The following FAM13A variants were observed in gnomAD, a reference collection of about 807,000 sequenced individuals.
FAM13A encodes family with sequence similarity 13 member A.
Under a neutral mutation model 129.6 loss-of-function variants are expected in FAM13A, and 76 were observed. The ratio of observed to expected loss-of-function variants is 0.59; its 90% CI spans 0.49 to 0.71. FAM13A has a LOEUF of 0.71. Among genes scored for constraint, FAM13A ranks in the 30% least tolerant of loss-of-function variants. The pLI is 0.00. For missense variants in FAM13A, 1,108 were observed against 1,249.3 expected, an observed-to-expected ratio of 0.89 and a Z score of 1.70; for synonymous variants, 443 against 449.9, an observed-to-expected ratio of 0.98 and a Z score of 0.20.
intron 8 of FAM13A, among the ~76,000 whole-genome samples, chr4:88,794,110 TTGAC>T (rs1725710505): frequency 6.6e-6 from 1 of 151,998 alleles, no homozygotes; most frequent in Admixed American, 6.6e-5. Context: ...TTCAGCGTCT[TTGAC>T]TGATTTGCTA....
chr4:88,943,028 ATCTCGTCTGTAC>A (rs1384527372), intron 4 of FAM13A, among the ~76,000 whole-genome samples: 5 of 152,214 alleles, frequency 3.3e-5, no homozygotes, highest in African/African-American at 1.2e-4. Flanking sequence ...GGAAAACTTA[ATCTCGTCTGTAC>A]TAAAAGAGTT....
At position 88,747,686 on chromosome 4, in the gene FAM13A, A is replaced by C. The variant is rs761144053; in HGVS notation, c.2327T>G (p.Ile776Ser). The change falls in exon 18 of 24, where the codon ATT becomes AGT. Residue 776 changes from isoleucine to serine, a missense_variant. Physicochemically the swap from Ile to Ser is moderately radical, Grantham distance 142. Around this residue, in one of 3 missense-constraint regions of FAM13A, gnomAD observed 529 missense variants for 621.2 expected, o/e 0.85. Transcript: ENST00000264344. ...TCGCTTCTCCTGGAGCTTCCTCTGAATAGATTCCAATGTGGCTTCAACACT... is the reference window on the plus strand; with the variant it reads ...TCGCTTCTCCTGGAGCTTCCTCTGACTAGATTCCAATGTGGCTTCAACACT... ...KPSVEATLES[I>S]QRKLQEKRAE... 8 of 1,614,120 alleles carry C rather than the reference A, an allele frequency of 5.0e-6. No homozygotes were observed. Among genetic ancestry groups the C allele is most frequent in the African/African-American group, 1.3e-5 (1 of 75,034 alleles).
chr4:88,946,481 G>A (rs1755904319), intron 4 of FAM13A, among the ~76,000 whole-genome samples: 1 of 133,768 alleles, frequency 7.5e-6, no homozygotes, highest in Non-Finnish European at 1.5e-5. Flanking sequence ...AGCACCCTCT[G>A]CTTTAATTTA....
intron 3 of FAM13A, among the ~76,000 whole-genome samples, chr4:88,994,132 T>C (rs1227233058): frequency 6.6e-6 from 1 of 152,190 alleles, no homozygotes; most frequent in Non-Finnish European, 1.5e-5. Flanking sequence ...GAAGACAGAT[T>C]CATCGATTCC....
rs757857060 is a variant in FAM13A at position 88,728,657 on chromosome 4, T to A, written c.2948A>T (p.Asn983Ile). ...AGGAGTGCGGTCTTCCTTCTGGACA[T>A]TTCTAATGCAAATAAAGGAAAAAGG... ...EDNFFRQNGRNVQKEDRTPMA... is the reference protein window; with the variant it reads ...EDNFFRQNGRIVQKEDRTPMA... The change falls in exon 24 of 24, where the codon AAT (asparagine) becomes ATT (isoleucine). Residue 983 changes from asparagine to isoleucine, a missense_variant and splice_region_variant. Coordinates refer to ENST00000264344, the MANE Select transcript of FAM13A (RefSeq NM_014883.4). The A allele has an allele frequency of 1.9e-6, 3 of 1,614,060 alleles. No homozygotes were observed. The highest frequency in any genetic ancestry group is 2.5e-6 in the Non-Finnish European group (3 of 1,180,000).
Position 88,964,523 on chromosome 4 carries a change from AT to A in FAM13A, c.606-26283del, listed in dbSNP as rs952724074. Among the ~76,000 whole-genome samples, 1,238 of 145,752 alleles carry A rather than the reference AT, an allele frequency of 8.5e-3. 17 individuals carry two copies. The highest frequency in any genetic ancestry group is 0.027 in the African/African-American group (1,077 of 40,118). ...ATTATTAAACTAGATTTTTCTGGAA[AT>A]TTTTTTTTTTTTACACAGCACCATC... is the stretch of plus-strand genomic sequence containing the variant. On this transcript the variant is annotated intron_variant, in intron 4 of 23. Coordinates refer to ENST00000264344, the MANE Select transcript of FAM13A (RefSeq NM_014883.4).
intron 2 of FAM13A, among the ~76,000 whole-genome samples, chr4:89,027,089 T>G (rs1043599822): frequency 2.0e-5 from 3 of 152,234 alleles, no homozygotes; most frequent in Admixed American, 6.5e-5. Context: ...TGCCAGTGGA[T>G]GCCTGAAACC....
intron 17 of FAM13A, 39 bp from the exon 18 acceptor site, chr4:88,747,890 T>G (rs201747332): frequency 2.1e-4 from 284 of 1,322,148 alleles, no homozygotes; most frequent in Non-Finnish European, 2.9e-4. Context: ...ATATGAGATT[T>G]ATTTATTTAT....
At chr4:88,837,762 T>TA (rs1367971171) in intron 7 of FAM13A, among the ~76,000 whole-genome samples, 3 of 151,118 alleles carry the variant, frequency 2.0e-5, no homozygotes, top group African/African-American at 7.3e-5. Flanking sequence ...AAAATTATGT[T>TA]AAAATGATTA....
At position 88,845,062 on chromosome 4, in the gene FAM13A, A is replaced by G. The variant is rs146164651; in HGVS notation, c.1007+5958T>C. ...TGGAATAATTTGTGTGACAAAAATG[A>G]ATCCAGTACATTAGTGGAATGGATA... is the stretch of plus-strand genomic sequence containing the variant. On this transcript the variant is annotated intron_variant, in intron 7 of 23. Transcript: ENST00000264344. 2.8e-4 allele frequency among the ~76,000 whole-genome samples: 43 copies of G among 152,328 alleles called. No individual in the cohort carries two copies. In the East Asian group the frequency reaches 3.7e-3, roughly 13 times the overall value.
chr4:88,947,103 C>A (rs866739906), intron 4 of FAM13A, among the ~76,000 whole-genome samples: 3 of 152,096 alleles, frequency 2.0e-5, no homozygotes, highest in African/African-American at 4.8e-5. Flanking sequence ...AGATGACCAG[C>A]CTAAACTTCA....
intron 4 of FAM13A, among the ~76,000 whole-genome samples, chr4:88,989,227 A>T (rs1560679942): frequency 6.6e-6 from 1 of 151,960 alleles, no homozygotes; most frequent in Non-Finnish European, 1.5e-5. Flanking sequence ...AAACAAACAA[A>T]CAAAAAGCTA....
chr4:88,877,388 T>C (rs968561431), intron 6 of FAM13A, among the ~76,000 whole-genome samples: 6 of 152,192 alleles, frequency 3.9e-5, no homozygotes, highest in East Asian at 1.9e-4. Context: ...CTGAATAACA[T>C]TGTAACACTA....
At position 88,750,614 on chromosome 4, in the gene FAM13A, A is replaced by G. The variant is rs1553961951; in HGVS notation, c.1750T>C (p.Trp584Arg). Residue 584 changes from tryptophan to arginine, a missense_variant, in exon 15 of 24, where the codon TGG becomes CGG. By Grantham distance (101) the Trp-to-Arg change is moderately radical. Around this residue, in one of 3 missense-constraint regions of FAM13A, gnomAD observed 529 missense variants for 621.2 expected, o/e 0.85. Transcript: ENST00000264344. Reference protein sequence around the residue: ...WEEPIPAFSSWQRENSDSDEA... With the variant: ...WEEPIPAFSSRQRENSDSDEA... ...TCAGAGTCACTGTTCTCCCGCTGCC[A>G]GGAGGAGAAAGCAGGGATAGGCTCT... 1.2e-6 allele frequency: 2 copies of G among 1,613,716 alleles called. No homozygotes were observed. Among genetic ancestry groups the G allele is most frequent in the Non-Finnish European group, 1.7e-6 (2 of 1,179,950 alleles).
chr4:89,037,325 C>G (rs765813453), intron 1 of FAM13A, among the ~76,000 whole-genome samples: 1 of 152,208 alleles, frequency 6.6e-6, no homozygotes, highest in Non-Finnish European at 1.5e-5. Flanking sequence ...TTTTTGAGCT[C>G]TAAGATTTAA....
chr4:89,057,120 T>C lies in FAM13A; in HGVS notation c.-156A>G. ...GTAAGCGAAGAGCAGCTTCTAACAT[T>C]TTAGGAAGAGTGGTTTTGCTTCTCT... On this transcript the variant is annotated 5_prime_UTR_variant, in exon 1 of 24. Coordinates refer to ENST00000264344, the MANE Select transcript of FAM13A (RefSeq NM_014883.4). The C allele has an allele frequency of 6.9e-7, 1 of 1,450,336 alleles. No individual in the cohort carries two copies. The highest frequency in any genetic ancestry group is 9.1e-7 in the Non-Finnish European group (1 of 1,103,676). The allele number at this position is 1,450,336 out of a possible 1,614,324, so 89.8% of individuals were successfully genotyped here.
rs532336657 is a variant in FAM13A, at chr4:88,880,831, G to A, written c.843+25548C>T. Among the ~76,000 whole-genome samples, 6 of 150,346 alleles carry A rather than the reference G, an allele frequency of 4.0e-5. No homozygotes were observed. In the Admixed American group the frequency reaches 4.0e-4, roughly 10 times the overall value. On this transcript the variant is annotated intron_variant, in intron 6 of 23. Coordinates refer to ENST00000264344, the MANE Select transcript of FAM13A (RefSeq NM_014883.4). ...GAGTGAGACTGGCCTTTTGGGCTGC[G>A]TGGGAGGTGAGTGAGGCCTGTAACT...
At chr4:88,810,478 T>C (rs1365427611) in intron 7 of FAM13A, among the ~76,000 whole-genome samples, 1 of 152,120 alleles carries the variant, frequency 6.6e-6, no homozygotes, top group Non-Finnish European at 1.5e-5. Flanking sequence ...GAGACAGATA[T>C]GCACCCAGGC....
chr4:88,934,188 G>A (rs1386191827), intron 5 of FAM13A, among the ~76,000 whole-genome samples: 2 of 152,080 alleles, frequency 1.3e-5, no homozygotes, highest in Non-Finnish European at 2.9e-5. Flanking sequence ...AATAAGCAAA[G>A]GCCAATCCTC....
Sources: gnomAD v4.1 joint callset for allele counts (sites outside exome capture counted in the v4.1 genomes callset) on GRCh38, gnomAD v4.1.1 for gene constraint, gnomAD v4.1.1 regional missense constraint, MANE v1.5 for transcripts, NCBI Gene and HGNC (gene_info 2026-07-23, HGNC 2026-07-21) for gene names.